STEAP1B: variants seen among roughly 807,000 people sequenced by gnomAD.
STEAP1B encodes the protein STEAP family protein MGC87042.
STEAP1B carries 13 observed loss-of-function variants against 27.9 expected under a neutral mutation model. That is an observed-to-expected ratio of 0.47 (90% confidence interval 0.30 to 0.74). STEAP1B has a LOEUF of 0.74. Among genes scored for constraint, STEAP1B ranks in the 30% least tolerant of loss-of-function variants. STEAP1B has a pLI of 0.06. For missense variants in STEAP1B, 250 were observed against 298.7 expected, an observed-to-expected ratio of 0.84 and a Z score of 1.20; for synonymous variants, 86 against 107.1, an observed-to-expected ratio of 0.80 and a Z score of 1.22.
intron 4 of STEAP1B, among the ~76,000 whole-genome samples, chr7:22,437,997 T>C (rs1176452208): frequency 1.3e-5 from 2 of 152,234 alleles, no homozygotes; most frequent in Non-Finnish European, 2.9e-5. Flanking sequence ...TAACATACAT[T>C]GGACATGAAC....
intron 4 of STEAP1B, among the ~76,000 whole-genome samples, chr7:22,436,151 G>A (rs76826632): frequency 0.039 from 5,926 of 152,150 alleles, 218 homozygotes; most frequent in African/African-American, 0.078. Flanking sequence ...AATTAAATTA[G>A]ATAAATAAAA....
Position 22,456,972 on chromosome 7 carries a change from A to ATATATTTTTTTTTTTTTTTT in STEAP1B, c.762+35592_762+35593insAAAAAAAAAAAAAAAATATA. The stretch of plus-strand genomic sequence containing the variant: ...GGCAGCTATATATATATATATATAT[A>ATATATTTTTTTTTTTTTTTT]TTTTTTTTTTTTTTAAGTATCCTGG... On this transcript the variant is annotated intron_variant, in intron 4 of 4. Coordinates refer to ENST00000678116, the MANE Select transcript of STEAP1B (RefSeq NM_001382447.1). Among the ~76,000 whole-genome samples the ATATATTTTTTTTTTTTTTTT allele has an allele frequency of 8.8e-5, 5 of 57,062 alleles. No homozygotes were observed. The East Asian group carries it at 5.1e-3, about 58-fold the overall frequency. 37.4% of individuals were successfully genotyped at this position (57,062 alleles called of 152,430 possible). A position where few individuals can be genotyped will look rare whatever the true frequency, so the allele number is the denominator to read the frequency against.
intron 4 of STEAP1B, among the ~76,000 whole-genome samples, chr7:22,463,801 C>T (rs1004286408): frequency 4.6e-5 from 7 of 151,364 alleles, no homozygotes; most frequent in African/African-American, 1.7e-4. Context: ...ATACAAAAAT[C>T]AATTCAAGAT....
intron 4 of STEAP1B, among the ~76,000 whole-genome samples, chr7:22,430,843 A>G (rs1053054031): frequency 3.5e-4 from 53 of 152,222 alleles, no homozygotes; most frequent in African/African-American, 1.3e-3. Flanking sequence ...TCATTTGCTC[A>G]TGACCTGCAT....
chr7:22,496,546 T>A (rs1786445042), intron 1 of STEAP1B, among the ~76,000 whole-genome samples: 1 of 152,174 alleles, frequency 6.6e-6, no homozygotes, highest in African/African-American at 2.4e-5. Flanking sequence ...AATATACAAT[T>A]TTTTATCTTT....
intron 4 of STEAP1B, among the ~76,000 whole-genome samples, chr7:22,434,094 A>G (rs547065486): frequency 3.3e-5 from 5 of 152,356 alleles, no homozygotes; most frequent in South Asian, 2.1e-4. Context: ...ATGAGAACAA[A>G]AGGCCAAGGA....
chr7:22,468,927 CATA>C (rs1785833410), intron 4 of STEAP1B, among the ~76,000 whole-genome samples: 1 of 152,222 alleles, frequency 6.6e-6, no homozygotes, highest in Non-Finnish European at 1.5e-5. Flanking sequence ...ATGTACAGTA[CATA>C]ATACTTGCTA....
At chr7:22,468,205 A>T (rs974624643) in intron 4 of STEAP1B, among the ~76,000 whole-genome samples, 2 of 152,330 alleles carry the variant, frequency 1.3e-5, no homozygotes, top group Admixed American at 6.5e-5. Context: ...AAAAAAATTT[A>T]TCTGAAATTC....
At chr7:22,432,843 A>C (rs147278936) in intron 4 of STEAP1B, among the ~76,000 whole-genome samples, 8 of 152,334 alleles carry the variant, frequency 5.3e-5, no homozygotes, top group Non-Finnish European at 7.3e-5. Flanking sequence ...ACTACGGATT[A>C]CATAGGTAAG....
At chr7:22,427,066 A>C (rs554518796) in intron 4 of STEAP1B, among the ~76,000 whole-genome samples, 78 of 152,256 alleles carry the variant, frequency 5.1e-4, no homozygotes, top group Non-Finnish European at 7.8e-4. Context: ...GCTGGAGCAG[A>C]GTGAACCAAA....
intron 4 of STEAP1B, among the ~76,000 whole-genome samples, chr7:22,461,594 C>T (rs1785679771): frequency 6.6e-6 from 1 of 152,178 alleles, no homozygotes; most frequent in South Asian, 2.1e-4. Flanking sequence ...AATTCTGCTC[C>T]AGCGTTTGAC....
intron 4 of STEAP1B, among the ~76,000 whole-genome samples, chr7:22,422,265 A>G (rs1306976340): frequency 6.6e-6 from 1 of 152,180 alleles, no homozygotes; most frequent in African/African-American, 2.4e-5. Flanking sequence ...TTCTGGTTCT[A>G]TTCAATCAGC....
chr7:22,490,677 TG>T (rs1376496050), intron 4 of STEAP1B, among the ~76,000 whole-genome samples: 7 of 152,226 alleles, frequency 4.6e-5, no homozygotes, highest in Non-Finnish European at 8.8e-5. Flanking sequence ...AAGGTTGTAA[TG>T]ATGGGTGGGC....
At chr7:22,476,238 C>T (rs145667513) in intron 4 of STEAP1B, among the ~76,000 whole-genome samples, 108 of 152,266 alleles carry the variant, frequency 7.1e-4, no homozygotes, top group South Asian at 2.3e-3. Context: ...TAAGCAACAC[C>T]GATGTTGTAC....
At chr7:22,438,380 GAGTA>G in intron 4 of STEAP1B, 1 of 1,231,926 alleles carries the variant, frequency 8.1e-7, no homozygotes, top group Non-Finnish European at 1.1e-6. Flanking sequence ...AAAATAATTG[GAGTA>G]AGTTTGGTAG....
intron 4 of STEAP1B, among the ~76,000 whole-genome samples, chr7:22,429,558 G>T (rs993263598): frequency 6.6e-6 from 1 of 152,122 alleles, no homozygotes; most frequent in Non-Finnish European, 1.5e-5. Context: ...ACTACCAAGT[G>T]ACTCATGGCC....
At chr7:22,423,174 G>C (rs972139741) in intron 4 of STEAP1B, among the ~76,000 whole-genome samples, 2 of 152,172 alleles carry the variant, frequency 1.3e-5, no homozygotes, top group African/African-American at 4.8e-5. Flanking sequence ...GCTGATGAGT[G>C]TAAAATGGGG....
rs145924812 is a variant in STEAP1B, at chr7:22,497,145, G to A, written c.-31-2259C>T. Among the ~76,000 whole-genome samples the A allele has an allele frequency of 1.7e-4, 26 of 152,304 alleles. No homozygotes were observed. In the East Asian group the frequency reaches 5.0e-3, roughly 29 times the overall value. On this transcript the variant is annotated intron_variant, in intron 1 of 4. Coordinates refer to ENST00000678116, the MANE Select transcript of STEAP1B (RefSeq NM_001382447.1). ...TATATGACTCAGGCCTGGGCAATCAGTTTCCTGTTCTCCCATTGATTGGCT... is the reference window on the plus strand; with the variant it reads ...TATATGACTCAGGCCTGGGCAATCAATTTCCTGTTCTCCCATTGATTGGCT...
At position 22,499,627 on chromosome 7, in the gene STEAP1B, C is replaced by T. The variant is rs890915015; in HGVS notation, c.-32+487G>A. 1.1e-4 allele frequency among the ~76,000 whole-genome samples: 16 copies of T among 152,288 alleles called. No homozygotes were observed. In the South Asian group the frequency reaches 1.9e-3, roughly 18 times the overall value. On this transcript the variant is annotated intron_variant, in intron 1 of 4. Transcript: ENST00000678116. ...ACTATTTTGGAGGGAACCTGAACCC[C>T]ACCCAGATCCTGAAAGAGTAGGGCC... is the stretch of plus-strand genomic sequence containing the variant.
Sources: allele counts gnomAD v4.1 joint callset (sites outside exome capture counted in the v4.1 genomes callset), GRCh38; gene constraint gnomAD v4.1.1; transcripts MANE v1.5; gene names NCBI Gene and HGNC (gene_info 2026-07-23, HGNC 2026-07-21).